ADGRG4: variants seen among roughly 807,000 people sequenced by gnomAD.
ADGRG4 encodes the protein adhesion G protein-coupled receptor G4, also known as G protein-coupled receptor 112.
Under a neutral mutation model 126.2 loss-of-function variants are expected in ADGRG4, and 122 were observed. The observed-to-expected ratio is 0.97, with a 90% CI of 0.83 to 1.12. The LOEUF is 1.12. ADGRG4 is among the 50% of genes most tolerant of loss of function. The pLI is 0.00. For synonymous variants in ADGRG4, 943 were observed against 838.7 expected (o/e 1.12, Z -2.15); for missense variants, 2,481 against 2,251.8 (o/e 1.10, Z -2.06).
At chrX:136,363,796 TTTTG>T (rs1480625484) in intron 13 of ADGRG4, among the ~76,000 whole-genome samples, 1 of 110,830 alleles carries the variant, frequency 9.0e-6, no homozygotes, top group African/African-American at 3.3e-5. Context: ...TTTCAGTGAT[TTTTG>T]TTTGTTTTTG....
At chrX:136,320,474 A>G (rs748116747) in intron 4 of ADGRG4, among the ~76,000 whole-genome samples, 28 of 112,475 alleles carry the variant, frequency 2.5e-4, no homozygotes, top group African/African-American at 8.7e-4. Flanking sequence ...CTAAAATTCT[A>G]TCAACCAAGT....
chrX:136,367,061 G>T (rs2075163272), intron 13 of ADGRG4, among the ~76,000 whole-genome samples: 1 of 111,343 alleles, frequency 9.0e-6, no homozygotes, highest in Admixed American at 9.5e-5. Context: ...GGCGGTCTAT[G>T]AGCCAGGAAA....
rs1392547483 is a variant in ADGRG4, at chrX:136,359,429, G to A, written c.7118G>A (p.Cys2373Tyr). 2 of 1,201,855 alleles carry A rather than the reference G, an allele frequency of 1.7e-6. No homozygotes were observed. Among genetic ancestry groups the A allele is most frequent in the Non-Finnish European group, 2.2e-6 (2 of 891,792 alleles). Residue 2373 changes from cysteine to tyrosine, a missense_variant, in exon 11 of 26, where the codon TGT becomes TAT. Coordinates refer to ENST00000394143, the MANE Select transcript of ADGRG4 (RefSeq NM_153834.4). ...TQDQLTLLVN[C>Y]EHVAVKKLEP... ...GATCAATTGACGTTATTAGTAAACT[G>A]TGAACACGTTGCAGTGAAAAAACTA... is the stretch of plus-strand genomic sequence containing the variant.
At chrX:136,391,964 C>G (rs972525171) in intron 16 of ADGRG4, among the ~76,000 whole-genome samples, 1 of 112,360 alleles carries the variant, frequency 8.9e-6, no homozygotes, top group Non-Finnish European at 1.9e-5. Context: ...TAGTGCAGTA[C>G]TGAGTAGCAG....
intron 4 of ADGRG4, among the ~76,000 whole-genome samples, chrX:136,311,037 G>T (rs543331860): frequency 9.0e-6 from 1 of 110,730 alleles, no homozygotes; most frequent in Non-Finnish European, 1.9e-5. Flanking sequence ...CTTGGTGAGG[G>T]CCCTCTTCCT....
intron 9 of ADGRG4, 100 bp downstream of exon 9, chrX:136,356,265 G>A: frequency 3.9e-6 from 2 of 519,479 alleles, no homozygotes; most frequent in Non-Finnish European, 3.0e-6. Context: ...ATCAGGCGAG[G>A]CTTTGTTGTG....
In ADGRG4 at chrX:136,395,425, G is replaced by A. The variant is rs1175254295; in HGVS notation, c.8116G>A (p.Val2706Ile). 4 of 1,203,379 alleles carry A rather than the reference G, an allele frequency of 3.3e-6. No individual in the cohort carries two copies. The highest frequency in any genetic ancestry group is 3.0e-5 in the East Asian group (1 of 33,684). The change falls in exon 19 of 26, where the codon GTA becomes ATA. Residue 2706 changes from valine to isoleucine, a missense_variant. Val to Ile is a conservative substitution (Grantham distance 29, BLOSUM62 3). Coordinates refer to ENST00000394143, the MANE Select transcript of ADGRG4 (RefSeq NM_153834.4). ...TGGATGGAATTCGTCAGGCTGTAAA[G>A]TAAAGGAAACAAATGTAAATTACAC... ...LGGWNSSGCK[V>I]KETNVNYTIC...
At position 136,345,843 on chromosome X, in the gene ADGRG4, G is replaced by T; in HGVS notation, c.2137G>T (p.Gly713Cys). The T allele has an allele frequency of 8.3e-7, 1 of 1,210,905 alleles. No homozygotes were observed. Reference sequence around the variant, plus strand: ...ACTGAAAGCATCTCCAGAGGGCAAAGGTACCACTGCCAATGATGCTACTAC... The same window carrying T: ...ACTGAAAGCATCTCCAGAGGGCAAATGTACCACTGCCAATGATGCTACTAC... Reference protein sequence around the residue: ...TPLKASPEGKGTTANDATTAR... With the variant: ...TPLKASPEGKCTTANDATTAR... Residue 713 changes from glycine to cysteine, a missense_variant, in exon 6 of 26, where the codon GGT becomes TGT. Transcript: ENST00000394143.
At chrX:136,303,434 C>T (rs1336073772) in intron 1 of ADGRG4, among the ~76,000 whole-genome samples, 3 of 110,650 alleles carry the variant, frequency 2.7e-5, no homozygotes, top group Non-Finnish European at 5.7e-5. Flanking sequence ...GAATGGGCAA[C>T]AGCCAGACTC....
In ADGRG4 at chrX:136,344,961, A is replaced by C. The variant is rs1272003148; in HGVS notation, c.1255A>C (p.Lys419Gln). Reference sequence around the variant, plus strand: ...ATCTATGTCTACAACACCTTGTCTCAAACAAAAATCCACAAATACTGGGGC... The same window carrying C: ...ATCTATGTCTACAACACCTTGTCTCCAACAAAAATCCACAAATACTGGGGC... ...STSMSTTPCL[K>Q]QKSTNTGALP... Residue 419 changes from lysine to glutamine, a missense_variant, in exon 6 of 26, where the codon AAA (lysine) becomes CAA (glutamine). Coordinates refer to ENST00000394143, the MANE Select transcript of ADGRG4 (RefSeq NM_153834.4). The C allele has an allele frequency of 8.3e-7, 1 of 1,209,402 alleles. No homozygotes were observed. Among genetic ancestry groups the C allele is most frequent in the African/African-American group, 1.7e-5 (1 of 57,260 alleles).
chrX:136,376,114 G>A (rs763482473), intron 15 of ADGRG4, among the ~76,000 whole-genome samples: 8 of 111,509 alleles, frequency 7.2e-5, no homozygotes, highest in Admixed American at 9.5e-5. Flanking sequence ...ATTTTTCTCC[G>A]TGTGGCTTAC....
intron 3 of ADGRG4, among the ~76,000 whole-genome samples, chrX:136,305,492 G>A (rs977016954): frequency 1.8e-5 from 2 of 112,177 alleles, no homozygotes; most frequent in African/African-American, 6.5e-5. Flanking sequence ...TGGTATTTCT[G>A]TCACCCCTAA....
At chrX:136,413,733 T>G (rs1178838658) in intron 24 of ADGRG4, among the ~76,000 whole-genome samples, 1 of 69,708 alleles carries the variant, frequency 1.4e-5, no homozygotes, top group African/African-American at 6.2e-5. Flanking sequence ...TTTTTGTTTT[T>G]GTTTTTGTTT....
Position 136,345,307 on chromosome X carries a change from ATG to A in ADGRG4, c.1603_1604del (p.Val535LeufsTer20), listed in dbSNP as rs752699174. On this transcript the variant is annotated frameshift_variant, in exon 6 of 26. Transcript: ENST00000394143. LOFTEE classifies it high-confidence loss of function. ...GAATTGACATCTACAAATTTTCAGG[ATG>A]TCTCTTTACCCAGAGTGGAAGATGC... The A allele has an allele frequency of 3.0e-5, 36 of 1,208,816 alleles. No homozygotes were observed. Among genetic ancestry groups the A allele is most frequent in the East Asian group, 5.9e-5 (2 of 33,770 alleles).
chrX:136,391,097 T>G (rs931298401), intron 16 of ADGRG4, among the ~76,000 whole-genome samples: 7 of 111,163 alleles, frequency 6.3e-5, no homozygotes, highest in African/African-American at 2.3e-4. Flanking sequence ...CCAGGCTGAA[T>G]TTGCAACTAC....
At chrX:136,384,951 A>G (rs964119605) in intron 15 of ADGRG4, among the ~76,000 whole-genome samples, 2 of 110,072 alleles carry the variant, frequency 1.8e-5, no homozygotes, top group Non-Finnish European at 3.8e-5. Flanking sequence ...GAATATGTAA[A>G]TTTATACCTT....
intron 5 of ADGRG4, among the ~76,000 whole-genome samples, chrX:136,324,053 T>C (rs111865922): frequency 1.7e-4 from 19 of 112,177 alleles, no homozygotes; most frequent in East Asian, 1.7e-3. Flanking sequence ...ACCACAGAAA[T>C]GATGTTATAT....
chrX:136,330,200 C>G (rs886767569), intron 5 of ADGRG4, among the ~76,000 whole-genome samples: 10 of 111,126 alleles, frequency 9.0e-5, no homozygotes, highest in Non-Finnish European at 1.9e-4. Context: ...CTGAACAGTT[C>G]TAATACTAGT....
intron 13 of ADGRG4, among the ~76,000 whole-genome samples, chrX:136,365,279 C>T (rs966710631): frequency 1.8e-5 from 2 of 111,437 alleles, no homozygotes; most frequent in Admixed American, 1.9e-4. Flanking sequence ...TTAGCAGTCT[C>T]TCCATTCCTC....
Sources: gnomAD v4.1 joint callset for allele counts (sites outside exome capture counted in the v4.1 genomes callset) on GRCh38, gnomAD v4.1.1 for gene constraint, MANE v1.5 for transcripts, NCBI Gene and HGNC (gene_info 2026-07-23, HGNC 2026-07-21) for gene names.